Variants in NAV2 observed in about 807,000 individuals in gnomAD.
NAV2 encodes the protein helicase, APC down-regulated 1.
Under a neutral mutation model 223.2 loss-of-function variants are expected in NAV2, and 54 were observed. The observed-to-expected ratio is 0.24, with a 90% CI of 0.19 to 0.30. The LOEUF (loss-of-function observed/expected upper bound fraction) is 0.30, where lower values mean the gene tolerates loss of function less well. Among genes scored for constraint, NAV2 ranks in the 10% least tolerant of loss-of-function variants. The pLI, the probability that NAV2 is intolerant of heterozygous loss-of-function variation, is 1.00. For synonymous variants in NAV2, 1,279 were observed against 1,239.3 expected, an observed-to-expected ratio of 1.03 and a Z score of -0.67; for missense variants, 2,806 against 3,147.5, an observed-to-expected ratio of 0.89 and a Z score of 2.60.
chr11:19,603,631 CAAAA>C (rs1222524445), intron 1 of NAV2, among the ~76,000 whole-genome samples: 2 of 57,724 alleles, frequency 3.5e-5, no homozygotes, highest in Admixed American at 2.1e-4. Flanking sequence ...GACTCCATCT[CAAAA>C]AAAAAAAAAA....
chr11:19,410,908 GAGAGC>G lies in NAV2; in HGVS notation c.75+59884_75+59888del, dbSNP rs201870476. Among the ~76,000 whole-genome samples, 1,053 of 152,264 alleles carry G rather than the reference GAGAGC, an allele frequency of 6.9e-3. 10 individuals are homozygous for G. The highest frequency in any genetic ancestry group is 0.024 in the African/African-American group (984 of 41,542). On this transcript the variant is annotated intron_variant, in intron 1 of 37. Transcript: ENST00000360655. ...GAAGAGAATCATGGATGTGTGCACA[GAGAGC>G]AGCTTGACATCAAATCTTTCTTTAG...
chr11:19,675,542 G>C (rs1306157386), intron 1 of NAV2, among the ~76,000 whole-genome samples: 1 of 152,214 alleles, frequency 6.6e-6, no homozygotes, highest in Admixed American at 6.5e-5. Context: ...CAGGGAGCAT[G>C]TCATATGCCT....
intron 1 of NAV2, among the ~76,000 whole-genome samples, chr11:19,704,196 C>G (rs1478611121): frequency 6.6e-6 from 1 of 152,128 alleles, no homozygotes; most frequent in East Asian, 1.9e-4. Context: ...AACTGGTGAT[C>G]TTTCCTTGCC....
At chr11:19,484,127 A>AACACAC (rs58138697) in intron 1 of NAV2, among the ~76,000 whole-genome samples, 17,228 of 144,390 alleles carry the variant, frequency 0.12, 1,208 homozygotes, top group East Asian at 0.3. Context: ...ACTGATCACA[A>AACACAC]ACACACACAC....
chr11:19,970,692 G>T (rs1247437860), intron 10 of NAV2, among the ~76,000 whole-genome samples: 1 of 152,082 alleles, frequency 6.6e-6, no homozygotes, highest in Non-Finnish European at 1.5e-5. Context: ...TGAAATAAGG[G>T]AGCCAGGCTT....
intron 1 of NAV2, among the ~76,000 whole-genome samples, chr11:19,831,231 G>C (rs149814815): frequency 4.9e-5 from 5 of 101,998 alleles, no homozygotes; most frequent in Non-Finnish European, 6.0e-5. Context: ...TGCGGGGGGG[G>C]GGGGGGCGCG....
intron 1 of NAV2, among the ~76,000 whole-genome samples, chr11:19,571,198 A>T (rs1430785153): frequency 6.6e-6 from 1 of 152,210 alleles, no homozygotes; most frequent in Admixed American, 6.5e-5. Flanking sequence ...GTCATATATT[A>T]TATGATTTCA....
intron 11 of NAV2, among the ~76,000 whole-genome samples, chr11:20,015,263 C>T (rs2153519742): frequency 6.6e-6 from 1 of 152,304 alleles, no homozygotes; most frequent in Admixed American, 6.5e-5. Flanking sequence ...TTGCCATCTG[C>T]TGCTACTCCT....
chr11:19,905,332 C>T (rs2153200422), intron 6 of NAV2, among the ~76,000 whole-genome samples: 1 of 151,728 alleles, frequency 6.6e-6, no homozygotes, highest in Admixed American at 6.6e-5. Context: ...CATGAGAAGT[C>T]ACATGTGTGG....
At chr11:19,988,793 C>G (rs1439777496) in intron 11 of NAV2, among the ~76,000 whole-genome samples, 17 of 152,142 alleles carry the variant, frequency 1.1e-4, no homozygotes, top group Admixed American at 1.0e-3. Context: ...GCCCTCCTTC[C>G]TTGCTGGGAG....
Position 19,948,677 on chromosome 11 carries a change from G to A in NAV2, c.2256-14G>A. 1 of 1,553,140 alleles carries A rather than the reference G, an allele frequency of 6.4e-7. No individual in the cohort carries two copies. Among genetic ancestry groups the A allele is most frequent in the Non-Finnish European group, 8.7e-7 (1 of 1,146,474 alleles). On this transcript the variant is annotated splice_polypyrimidine_tract_variant and intron_variant, in intron 9 of 37. Transcript: ENST00000349880. ...AGGTACCTTTGAGTCTAATCAGGTT[G>A]GTTTTGTTTCTAGCACATTGGAAAC... is the stretch of plus-strand genomic sequence containing the variant.
At chr11:19,467,604 C>T (rs1288843425) in intron 1 of NAV2, among the ~76,000 whole-genome samples, 1 of 152,144 alleles carries the variant, frequency 6.6e-6, no homozygotes, top group East Asian at 1.9e-4. Context: ...TAACTGATGC[C>T]CAGTGTTGCC....
chr11:19,569,043 G>T (rs562331448), intron 1 of NAV2, among the ~76,000 whole-genome samples: 1 of 152,320 alleles, frequency 6.6e-6, no homozygotes, highest in African/African-American at 2.4e-5. Context: ...TCCAGCTTCT[G>T]CATGGTCATG....
At chr11:20,082,752 G>T in intron 25 of NAV2, 1 of 913,154 alleles carries the variant, frequency 1.1e-6, no homozygotes, top group Non-Finnish European at 1.8e-6. Context: ...CAGACTCTGT[G>T]TTGCTGTTGG....
chr11:19,926,953 G>A (rs12225529), intron 6 of NAV2, among the ~76,000 whole-genome samples: 51,877 of 152,096 alleles, frequency 0.34, 11,125 homozygotes, highest in Non-Finnish European at 0.48. Flanking sequence ...GCCAGTGTCC[G>A]CCCTCACTGA....
intron 34 of NAV2, chr11:20,104,791 G>T (rs1284954695): frequency 6.6e-6 from 1 of 152,206 alleles, no homozygotes; most frequent in Non-Finnish European, 1.5e-5. Flanking sequence ...AGTAGCTCCA[G>T]CTCCCTATGG....
At chr11:19,608,600 A>G (rs1010772117) in intron 1 of NAV2, among the ~76,000 whole-genome samples, 3 of 152,258 alleles carry the variant, frequency 2.0e-5, no homozygotes, top group Non-Finnish European at 4.4e-5. Flanking sequence ...CATATGCCAT[A>G]TGGGCAAGTC....
chr11:19,993,754 T>C (rs1565721692), intron 11 of NAV2, among the ~76,000 whole-genome samples: 1 of 152,208 alleles, frequency 6.6e-6, no homozygotes. Context: ...TGAAGGAACA[T>C]AATAGTTGAG....
chr11:19,819,613 G>A (rs556823035), intron 1 of NAV2, among the ~76,000 whole-genome samples: 8 of 152,312 alleles, frequency 5.3e-5, no homozygotes, highest in Admixed American at 5.2e-4. Context: ...TGTGAGGGAT[G>A]CCACCAGCTG....
Sources: allele counts gnomAD v4.1 joint callset (sites outside exome capture counted in the v4.1 genomes callset), GRCh38; gene constraint gnomAD v4.1.1; transcripts MANE v1.5; gene names NCBI Gene and HGNC (gene_info 2026-07-23, HGNC 2026-07-21).